MROH1: variants seen among roughly 807,000 people sequenced by gnomAD.
The protein encoded by MROH1 is maestro heat-like repeat-containing protein family member 1.
Under a neutral mutation model 116.5 loss-of-function variants are expected in MROH1, and 117 were observed. The ratio of observed to expected loss-of-function variants is 1.00; its 90% CI spans 0.86 to 1.17. The LOEUF is 1.17. Among genes scored for constraint, MROH1 ranks in the 50% most tolerant of loss-of-function variants. The probability of loss-of-function intolerance (pLI) is 0.00; values close to 1 mark genes in which losing one functional copy is unlikely to be tolerated. For synonymous variants in MROH1, 921 were observed against 583.9 expected (o/e 1.58, Z -8.32); for missense variants, 1,873 against 1,338.5 (o/e 1.40, Z -6.23).
intron 7 of MROH1, among the ~76,000 whole-genome samples, chr8:144,181,144 C>T (rs1235475782): frequency 1.3e-5 from 2 of 152,194 alleles, no homozygotes; most frequent in African/African-American, 4.8e-5. Context: ...TGTCCCATGT[C>T]AGGAAGACGG....
chr8:144,246,137 C>G (rs1841890337), intron 29 of MROH1, among the ~76,000 whole-genome samples: 1 of 146,714 alleles, frequency 6.8e-6, no homozygotes, highest in Admixed American at 7.0e-5. Flanking sequence ...GAGACCGAGT[C>G]TCTCGCTCTC....
At chr8:144,217,069 C>T (rs1160819172) in intron 12 of MROH1, among the ~76,000 whole-genome samples, 2 of 152,070 alleles carry the variant, frequency 1.3e-5, no homozygotes, top group Non-Finnish European at 2.9e-5. Flanking sequence ...CCAGTAATCC[C>T]TGCGTTTTCG....
chr8:144,161,648 GT>G (rs1375796106), intron 2 of MROH1, among the ~76,000 whole-genome samples: 3 of 152,156 alleles, frequency 2.0e-5, no homozygotes, highest in Admixed American at 6.5e-5. Context: ...CAGTTTTTTA[GT>G]TGTCCTGTGA....
intron 17 of MROH1, 56 bp from the exon 18 acceptor site, chr8:144,239,558 G>A (rs959397729): frequency 7.8e-6 from 6 of 765,048 alleles, no homozygotes; most frequent in Admixed American, 5.3e-5. Context: ...GGTGCAGGTT[G>A]TGGGCATGAC....
chr8:144,259,737 G>A (rs1195220184), intron 37 of MROH1, among the ~76,000 whole-genome samples, 174 bp from the exon 38 acceptor site: 1 of 152,236 alleles, frequency 6.6e-6, no homozygotes, highest in Non-Finnish European at 1.5e-5. Context: ...GTCAGAGCAG[G>A]CCCCAGCGGC....
In MROH1 at chr8:144,180,300, C is replaced by T. The variant is rs774063120; in HGVS notation, c.423C>T (p.Cys141=). Residue 141 remains cysteine (C), a synonymous_variant, in exon 6 of 44, where the codon TGC becomes TGT. Transcript: ENST00000326134. This position sits in a 1 kb window ranked among gnomAD's most constrained non-coding sequence, Gnocchi z 7.4. ...RRLHPGTLPH[C]AVLHTLASLS... ...TGCACCCTGGGACCCTGCCACACTG[C>T]GCCGTGCTGCACACCCTCGCCAGCC... is the stretch of plus-strand genomic sequence containing the variant. 159 of 1,607,460 alleles carry T rather than the reference C, an allele frequency of 9.9e-5. No individual in the cohort carries two copies. Among genetic ancestry groups the T allele is most frequent in the East Asian group, 2.0e-4 (9 of 44,830 alleles).
At position 144,223,030 on chromosome 8, in the gene MROH1, G is replaced by A. The variant is rs938264878; in HGVS notation, c.1216-78G>A. On this transcript the variant is annotated intron_variant, in intron 13 of 43. Transcript: ENST00000326134. Reference sequence around the variant, plus strand: ...TGTGGATGTGGGTGGGAGGAAGACTGAGGTTCCTCTCTGCTGGCTGGACTG... The same window carrying A: ...TGTGGATGTGGGTGGGAGGAAGACTAAGGTTCCTCTCTGCTGGCTGGACTG... 1.8e-5 allele frequency: 28 copies of A among 1,584,054 alleles called. No homozygotes were observed. In the East Asian group the frequency reaches 3.4e-4, roughly 19 times the overall value.
At chr8:144,246,014 T>G (rs1841825659) in intron 29 of MROH1, among the ~76,000 whole-genome samples, 1 of 145,358 alleles carries the variant, frequency 6.9e-6, no homozygotes, top group Non-Finnish European at 1.5e-5. Context: ...CTTTTTTTTC[T>G]TTCCCTCCCT....
intron 14 of MROH1, among the ~76,000 whole-genome samples, chr8:144,231,235 G>T (rs540958342): frequency 1.3e-5 from 2 of 151,676 alleles, no homozygotes; most frequent in East Asian, 3.9e-4. Flanking sequence ...GCAACCATCC[G>T]ATTTCTCAAT....
chr8:144,198,616 C>CT lies in MROH1; in HGVS notation c.949-497dup, dbSNP rs200506392. 2.3e-3 allele frequency among the ~76,000 whole-genome samples: 347 copies of CT among 151,720 alleles called. 1 individual carries two copies. The highest frequency in any genetic ancestry group is 7.2e-3 in the African/African-American group (298 of 41,410). ...TAGTTTTTGCTTTTTACCAATAAGA[C>CT]TTTTTTTTTCCTTATAACTTTGAAC... On this transcript the variant is annotated intron_variant, in intron 10 of 43. Transcript: ENST00000326134.
intron 32 of MROH1, among the ~76,000 whole-genome samples, chr8:144,249,954 T>C (rs1842576073): frequency 1.3e-5 from 2 of 152,220 alleles, no homozygotes; most frequent in African/African-American, 2.4e-5. Context: ...CTGGGCCACA[T>C]GTGCCCTTGG....
intron 7 of MROH1, among the ~76,000 whole-genome samples, chr8:144,186,818 C>T (rs557525584): frequency 6.6e-6 from 1 of 152,350 alleles, no homozygotes; most frequent in South Asian, 2.1e-4. Context: ...CTAGGCCGGG[C>T]GCGGTGGCTC....
chr8:144,238,955 C>T lies in MROH1; in HGVS notation c.1447-80C>T, dbSNP rs1283212786. ...TCAGGCCCAGCAAAGGGTCTGTCTC[C>T]ACCTTGGAGCTCCGGCAGGGCCCTG... is the stretch of plus-strand genomic sequence containing the variant. On this transcript the variant is annotated intron_variant, in intron 15 of 43. Transcript: ENST00000326134. 13 of 769,982 alleles carry T rather than the reference C, an allele frequency of 1.7e-5. No individual in the cohort carries two copies. The African/African-American group carries it at 2.0e-4, about 12-fold the overall frequency. 47.7% of individuals were successfully genotyped at this position (769,982 alleles called of 1,614,324 possible).
intron 7 of MROH1, among the ~76,000 whole-genome samples, chr8:144,181,746 C>T (rs568745326): frequency 2.0e-5 from 3 of 152,222 alleles, no homozygotes; most frequent in South Asian, 4.1e-4. Context: ...GCTAAGGTGC[C>T]TGGGGCGCAG....
intron 12 of MROH1, among the ~76,000 whole-genome samples, chr8:144,212,342 C>T (rs1369332799): frequency 6.6e-6 from 1 of 152,074 alleles, no homozygotes; most frequent in Non-Finnish European, 1.5e-5. Flanking sequence ...GCCTCGGCCT[C>T]CCAAAGTACT....
chr8:144,246,845 G>A (rs1166165851), intron 29 of MROH1, among the ~76,000 whole-genome samples: 2 of 152,224 alleles, frequency 1.3e-5, no homozygotes, highest in African/African-American at 2.4e-5. Context: ...GGAGGAGCAG[G>A]ACTGAGGAGA....
At chr8:144,196,072 C>T (rs574062531) in intron 10 of MROH1, among the ~76,000 whole-genome samples, 90 of 152,062 alleles carry the variant, frequency 5.9e-4, no homozygotes, top group Non-Finnish European at 9.3e-4. Flanking sequence ...GGGCAAATCA[C>T]GAGGTCAGGA....
At chr8:144,156,851 C>T (rs1266099148) in intron 1 of MROH1, among the ~76,000 whole-genome samples, 3 of 138,544 alleles carry the variant, frequency 2.2e-5, no homozygotes, top group East Asian at 2.5e-4. Context: ...GGTGCTATCT[C>T]GGCTCATTGC....
In MROH1 at chr8:144,239,030, C is replaced by T; in HGVS notation, c.1447-5C>T. 3.9e-6 allele frequency: 3 copies of T among 777,818 alleles called. No individual in the cohort carries two copies. Among genetic ancestry groups the T allele is most frequent in the Admixed American group, 1.7e-5 (1 of 59,038 alleles). The allele number at this position is 777,818 out of a possible 1,614,324, so 48.2% of individuals were successfully genotyped here. ...GGATGCAGACCAGGCCCTCTGCTCC[C>T]CTAGGTCCTCTGGCCATACCTGCTC... On this transcript the variant is annotated splice_polypyrimidine_tract_variant and splice_region_variant and intron_variant, in intron 15 of 43. Transcript: ENST00000326134.
Sources: gnomAD v4.1 joint callset for allele counts (sites outside exome capture counted in the v4.1 genomes callset) on GRCh38, gnomAD v4.1.1 for gene constraint, Gnocchi (gnomAD v3.1) non-coding constraint, MANE v1.5 for transcripts, NCBI Gene and HGNC (gene_info 2026-07-23, HGNC 2026-07-21) for gene names.